Variants in RAB38 observed in about 807,000 individuals in gnomAD.
RAB38 encodes the protein ras-related protein Rab-38.
In RAB38, 15 loss-of-function variants were observed where a neutral mutation model predicts 18.4. That is an observed-to-expected ratio of 0.82 (90% CI 0.55 to 1.26). The LOEUF (loss-of-function observed/expected upper bound fraction) is 1.26, where lower values mean the gene tolerates loss of function less well. Ranked by LOEUF, RAB38 falls within the 50% of genes most tolerant of loss-of-function variation. The probability of loss-of-function intolerance (pLI) is 0.00; values close to 1 mark genes in which losing one functional copy is unlikely to be tolerated. For missense variants in RAB38, 294 were observed against 267.4 expected, an observed-to-expected ratio of 1.10 and a Z score of -0.69; for synonymous variants, 101 against 104.4, an observed-to-expected ratio of 0.97 and a Z score of 0.20.
At chr11:87,937,877 T>G in the RAB38 span, among the ~76,000 whole-genome samples, 440 of 143,574 alleles carry the variant, frequency 3.1e-3, 1 homozygote, top group African/African-American at 9.3e-3. Context: ...AGTGTTTTTT[T>G]TTTTTTTTTT....
At chr11:87,910,463 T>C in the RAB38 span, among the ~76,000 whole-genome samples, 4 of 152,066 alleles carry the variant, frequency 2.6e-5, no homozygotes, top group Non-Finnish European at 5.9e-5. Context: ...CTTCTTTTGA[T>C]AAAGTCAAAT....
the RAB38 span, chr11:88,061,732 C>T: frequency 6.6e-6 from 1 of 152,042 alleles, no homozygotes; most frequent in Non-Finnish European, 1.5e-5. Flanking sequence ...GCCTGATTTC[C>T]TCTTGTGATC....
chr11:87,925,429 C>T, the RAB38 span, among the ~76,000 whole-genome samples: 12 of 152,022 alleles, frequency 7.9e-5, no homozygotes, highest in South Asian at 2.1e-4. Context: ...GGCACATCGA[C>T]GATCATTTTA....
chr11:87,871,605 T>C, the RAB38 span, among the ~76,000 whole-genome samples: 1 of 151,578 alleles, frequency 6.6e-6, no homozygotes, highest in Admixed American at 6.6e-5. Context: ...GTCATAAGTA[T>C]GTAGATAAAT....
At chr11:87,945,407 T>A in the RAB38 span, among the ~76,000 whole-genome samples, 2 of 152,158 alleles carry the variant, frequency 1.3e-5, no homozygotes, top group African/African-American at 4.8e-5. Context: ...TTAAAGCAAT[T>A]CAGATTTTAC....
chr11:87,943,480 G>C, the RAB38 span, among the ~76,000 whole-genome samples: 6 of 152,064 alleles, frequency 3.9e-5, no homozygotes, highest in Non-Finnish European at 7.4e-5. Context: ...ATAGAGGTCT[G>C]CAAGATGCCG....
At chr11:87,951,884 C>A in the RAB38 span, among the ~76,000 whole-genome samples, 1 of 152,180 alleles carries the variant, frequency 6.6e-6, no homozygotes, top group Non-Finnish European at 1.5e-5. Context: ...GTTCTCAGAT[C>A]TCAAGCTGCA....
chr11:87,872,510 G>T, the RAB38 span, among the ~76,000 whole-genome samples: 1 of 151,262 alleles, frequency 6.6e-6, no homozygotes, highest in African/African-American at 2.4e-5. Flanking sequence ...ACGTTCTATG[G>T]GTTTTGACAA....
the RAB38 span, among the ~76,000 whole-genome samples, chr11:88,041,304 C>T: frequency 7.2e-5 from 11 of 152,284 alleles, no homozygotes; most frequent in African/African-American, 1.9e-4. Flanking sequence ...TAATAGTGAG[C>T]GGAACATGCC....
chr11:88,072,520 TTTAAAA>T, the RAB38 span, among the ~76,000 whole-genome samples: 3 of 152,094 alleles, frequency 2.0e-5, no homozygotes, highest in Non-Finnish European at 4.4e-5. Flanking sequence ...AAAATAAATA[TTTAAAA>T]TTTAGTGGCT....
rs1266117655 is a variant in RAB38, at chr11:88,164,256, C to T, written c.202+10927G>A. 1.8e-5 allele frequency among the ~76,000 whole-genome samples: 2 copies of T among 109,064 alleles called. 1 individual carries two copies. Among genetic ancestry groups the T allele is most frequent in the Non-Finnish European group, 4.1e-5 (2 of 48,212 alleles). 71.6% of individuals were successfully genotyped at this position (109,064 alleles called of 152,430 possible). A position where few individuals can be genotyped will look rare whatever the true frequency, so the allele number is the denominator to read the frequency against. On this transcript the variant is annotated intron_variant, in intron 1 of 2. Coordinates refer to ENST00000243662, the MANE Select transcript of RAB38 (RefSeq NM_022337.3). ...CCCAAAATATATGCCAAGGTGCTCT[C>T]GGTGGGGGGGGGTGCCATGGTGAAC...
chr11:87,970,831 A>C, the RAB38 span, among the ~76,000 whole-genome samples: 1 of 152,104 alleles, frequency 6.6e-6, no homozygotes, highest in East Asian at 1.9e-4. Context: ...AGATGTTATC[A>C]CTGAGCCTTA....
At chr11:88,120,992 C>G (rs545240911) in intron 2 of RAB38, among the ~76,000 whole-genome samples, 61 of 152,174 alleles carry the variant, frequency 4.0e-4, no homozygotes, top group Non-Finnish European at 7.9e-4. Flanking sequence ...AGTGATCTGC[C>G]TAGCATCACA....
At chr11:88,114,175 C>T (rs752392960) in intron 2 of RAB38, 35 bp from the exon 3 acceptor site, 3 of 1,604,720 alleles carry the variant, frequency 1.9e-6, no homozygotes, top group South Asian at 2.2e-5. Context: ...TTTTCTTATT[C>T]AATACTCTGA....
the RAB38 span, among the ~76,000 whole-genome samples, chr11:87,896,224 G>A: frequency 2.0e-5 from 3 of 151,580 alleles, no homozygotes; most frequent in South Asian, 2.1e-4. Flanking sequence ...GCAAGCCCCC[G>A]ACCTTCCATT....
chr11:88,065,440 A>G, the RAB38 span, among the ~76,000 whole-genome samples: 561 of 152,342 alleles, frequency 3.7e-3, 7 homozygotes, highest in African/African-American at 0.013. Flanking sequence ...GCTGAAAGCA[A>G]CAGAGAAAAT....
the RAB38 span, among the ~76,000 whole-genome samples, chr11:88,021,278 T>C: frequency 1.3e-5 from 2 of 152,076 alleles, no homozygotes; most frequent in African/African-American, 4.8e-5. Context: ...CCACAGAAAC[T>C]CAAAGGATCA....
chr11:87,948,337 G>A, the RAB38 span, among the ~76,000 whole-genome samples: 2 of 152,272 alleles, frequency 1.3e-5, no homozygotes, highest in Admixed American at 6.5e-5. Context: ...CATGTCATCT[G>A]CAAACAGGGA....
intron 2 of RAB38, among the ~76,000 whole-genome samples, chr11:88,119,321 C>A (rs1942599705): frequency 6.6e-6 from 1 of 151,936 alleles, no homozygotes; most frequent in Non-Finnish European, 1.5e-5. Context: ...TGCACATGTA[C>A]CCCTGTATCT....
Sources: allele counts gnomAD v4.1 joint callset (sites outside exome capture counted in the v4.1 genomes callset), GRCh38; gene constraint gnomAD v4.1.1; transcripts MANE v1.5; gene names NCBI Gene and HGNC (gene_info 2026-07-23, HGNC 2026-07-21).